PACC1: variants seen among roughly 807,000 people sequenced by gnomAD.
PACC1 encodes proton activated chloride channel 1.
A neutral mutation model predicts 39.7 loss-of-function variants in PACC1; 34 were observed. That is an observed-to-expected ratio of 0.86 (90% confidence interval 0.65 to 1.14). The LOEUF (loss-of-function observed/expected upper bound fraction) is 1.14. Ranked by LOEUF, PACC1 falls within the 50% of genes most tolerant of loss-of-function variation. The pLI is 0.00. For missense variants in PACC1, 379 were observed against 436.4 expected, an observed-to-expected ratio of 0.87 and a Z score of 1.17; for synonymous variants, 127 against 160.6, an observed-to-expected ratio of 0.79 and a Z score of 1.58.
chr1:212,387,148 C>T lies in PACC1; in HGVS notation c.134-48G>A, dbSNP rs750777621. ...TGACCCAGGGCACAGGGACAAGGTA[C>T]AGACAGAGATGGCCAGCAACCTCCA... On this transcript the variant is annotated intron_variant, in intron 2 of 7. Coordinates refer to ENST00000261455, the MANE Select transcript of PACC1 (RefSeq NM_018252.3). 6.3e-6 allele frequency: 10 copies of T among 1,596,492 alleles called. No individual in the cohort carries two copies. The Admixed American group carries it at 1.0e-4, about 16-fold the overall frequency.
chr1:212,390,337 C>T (rs560458971), intron 2 of PACC1, among the ~76,000 whole-genome samples: 6 of 150,990 alleles, frequency 4.0e-5, no homozygotes, highest in African/African-American at 7.3e-5. Flanking sequence ...GCAGGAGAAT[C>T]GCTTGAACCC....
chr1:212,366,971 G>C (rs138935490), intron 7 of PACC1, among the ~76,000 whole-genome samples: 5 of 152,318 alleles, frequency 3.3e-5, no homozygotes, highest in Non-Finnish European at 5.9e-5. Flanking sequence ...ATCACATCAG[G>C]ATATATTATG....
intron 1 of PACC1, chr1:212,414,219 C>CA (rs1662243686): frequency 2.2e-6 from 2 of 912,314 alleles, no homozygotes; most frequent in African/African-American, 1.7e-5. Flanking sequence ...AGGTGGTCAC[C>CA]AAAAAACAGG....
intron 7 of PACC1, among the ~76,000 whole-genome samples, chr1:212,366,387 G>A (rs891421916): frequency 2.1e-5 from 3 of 139,718 alleles, no homozygotes; most frequent in Non-Finnish European, 4.5e-5. Context: ...TGCAACCTCC[G>A]CCTCCCGGGT....
intron 4 of PACC1, among the ~76,000 whole-genome samples, chr1:212,381,104 C>G (rs1660862734): frequency 6.6e-6 from 1 of 152,194 alleles, no homozygotes; most frequent in South Asian, 2.1e-4. Context: ...CTTATCCTTT[C>G]TAGTTTTTGT....
intron 2 of PACC1, among the ~76,000 whole-genome samples, chr1:212,403,589 G>A (rs767300334): frequency 6.6e-6 from 1 of 152,108 alleles, no homozygotes; most frequent in Admixed American, 6.6e-5. Flanking sequence ...TTGAGACAGG[G>A]TCTCTCACTC....
intron 1 of PACC1, among the ~76,000 whole-genome samples, chr1:212,411,325 GCT>G (rs1662120823): frequency 1.3e-5 from 2 of 152,286 alleles, no homozygotes; most frequent in African/African-American, 4.8e-5. Context: ...TGGTGTCAGA[GCT>G]CTCTCTGGCA....
chr1:212,410,464 T>C lies in PACC1; in HGVS notation c.94A>G (p.Lys32Glu), dbSNP rs1009675897. 3 of 1,614,204 alleles carry C rather than the reference T, an allele frequency of 1.9e-6. No individual in the cohort carries two copies. Among genetic ancestry groups the C allele is most frequent in the Non-Finnish European group, 2.5e-6 (3 of 1,180,018 alleles). Residue 32 changes from lysine (K) to glutamate (E), a missense_variant, in exon 2 of 8, where the codon AAG becomes GAG. Coordinates refer to ENST00000261455, the MANE Select transcript of PACC1 (RefSeq NM_018252.3). ...ENSELADEQD[K>E]ETVRVQGPGI... ...GGACCTTGGACTCTGACCGTCTCCT[T>C]GTCCTGCTCGTCTGCCAGCTCTGAG...
intron 1 of PACC1, among the ~76,000 whole-genome samples, chr1:212,411,999 G>A (rs1014779727): frequency 6.6e-6 from 1 of 151,996 alleles, no homozygotes; most frequent in South Asian, 2.1e-4. Flanking sequence ...AAATTAGCCG[G>A]GCATAATAGC....
intron 5 of PACC1, among the ~76,000 whole-genome samples, chr1:212,379,069 G>T (rs917147632): frequency 6.6e-6 from 1 of 150,594 alleles, no homozygotes; most frequent in Non-Finnish European, 1.5e-5. Flanking sequence ...TCAACCTCTT[G>T]AGTAGCTGGG....
At chr1:212,412,701 T>A (rs1365208400) in intron 1 of PACC1, among the ~76,000 whole-genome samples, 1 of 152,204 alleles carries the variant, frequency 6.6e-6, no homozygotes, top group Non-Finnish European at 1.5e-5. Flanking sequence ...GCCTATATTT[T>A]AATAAACATT....
intron 2 of PACC1, among the ~76,000 whole-genome samples, chr1:212,402,696 C>T (rs1364352088): frequency 2.0e-5 from 3 of 152,110 alleles, no homozygotes; most frequent in Non-Finnish European, 4.4e-5. Context: ...ACTCTGTCAC[C>T]CAGGCTGGAG....
intron 2 of PACC1, among the ~76,000 whole-genome samples, chr1:212,406,254 C>T (rs1395024201): frequency 6.6e-6 from 1 of 151,986 alleles, no homozygotes; most frequent in Non-Finnish European, 1.5e-5. Context: ...TGGTGGCTCA[C>T]GCCTGTAATC....
At chr1:212,371,340 CAAAT>C (rs1472920306) in intron 7 of PACC1, among the ~76,000 whole-genome samples, 3 of 151,096 alleles carry the variant, frequency 2.0e-5, no homozygotes, top group Admixed American at 2.0e-4. Flanking sequence ...AATGAAGACC[CAAAT>C]AAATAAAATC....
chr1:212,414,282 G>A (rs550307717), intron 1 of PACC1, among the ~76,000 whole-genome samples: 22 of 152,326 alleles, frequency 1.4e-4, no homozygotes, highest in Middle Eastern at 3.4e-3. Flanking sequence ...GCTTGGAGGG[G>A]GAGGATGCCG....
At chr1:212,382,207 T>TTTTTTA (rs1385534767) in intron 4 of PACC1, among the ~76,000 whole-genome samples, 1 of 152,070 alleles carries the variant, frequency 6.6e-6, no homozygotes, top group Non-Finnish European at 1.5e-5. Flanking sequence ...CACGCCTGAT[T>TTTTTTA]TTTTTATTTT....
intron 2 of PACC1, among the ~76,000 whole-genome samples, chr1:212,400,212 A>T (rs1661666666): frequency 6.6e-6 from 1 of 152,228 alleles, no homozygotes; most frequent in South Asian, 2.1e-4. Context: ...ACGAACGATG[A>T]CTGGCATCTG....
intron 1 of PACC1, chr1:212,413,970 A>C (rs1263487672): frequency 6.5e-7 from 1 of 1,535,830 alleles, no homozygotes; most frequent in Admixed American, 2.0e-5. Context: ...GCCAAAGATG[A>C]CCAAGGTTTG....
intron 2 of PACC1, among the ~76,000 whole-genome samples, chr1:212,393,064 T>C (rs1357940399): frequency 2.0e-5 from 3 of 151,872 alleles, no homozygotes; most frequent in East Asian, 1.9e-4. Flanking sequence ...AGGAATTGAA[T>C]TCAGCTCTGC....
Sources: allele counts gnomAD v4.1 joint callset (sites outside exome capture counted in the v4.1 genomes callset), GRCh38; gene constraint gnomAD v4.1.1; transcripts MANE v1.5; gene names NCBI Gene and HGNC (gene_info 2026-07-23, HGNC 2026-07-21).